The following IFT56 variants were observed in gnomAD, a reference collection of about 807,000 sequenced individuals.
IFT56 encodes the protein intraflagellar transport 56.
At chr7:139,177,759 A>G in the IFT56 span, among the ~76,000 whole-genome samples, 1 of 152,062 alleles carries the variant, frequency 6.6e-6, no homozygotes, top group African/African-American at 2.4e-5. Flanking sequence ...TCCACCACTC[A>G]AATAGGAATC....
At chr7:139,169,983 C>T in the IFT56 span, among the ~76,000 whole-genome samples, 4 of 152,198 alleles carry the variant, frequency 2.6e-5, no homozygotes, top group African/African-American at 7.2e-5. Flanking sequence ...CACTGCATTC[C>T]AGCCTGGGCA....
At chr7:139,153,732 A>G in the IFT56 span, among the ~76,000 whole-genome samples, 2 of 152,160 alleles carry the variant, frequency 1.3e-5, no homozygotes, top group Non-Finnish European at 2.9e-5. Flanking sequence ...TCCATTCATC[A>G]GTTGATAGAC....
chr7:139,183,872 T>C, the IFT56 span, among the ~76,000 whole-genome samples: 1 of 152,182 alleles, frequency 6.6e-6, no homozygotes, highest in Non-Finnish European at 1.5e-5. Context: ...AGCCTAAAAC[T>C]GGAGACAAAG....
chr7:139,173,251 G>C, the IFT56 span: 1 of 446,994 alleles, frequency 2.2e-6, no homozygotes, highest in African/African-American at 2.1e-5. Flanking sequence ...TTTTGAGATG[G>C]AGTCTCGCTC....
the IFT56 span, among the ~76,000 whole-genome samples, chr7:139,142,601 G>T: frequency 2.0e-5 from 3 of 152,140 alleles, no homozygotes; most frequent in African/African-American, 7.2e-5. Flanking sequence ...AGGCTGAAGC[G>T]GGCGGATCAT....
chr7:139,158,631 A>C, the IFT56 span, among the ~76,000 whole-genome samples: 1 of 151,990 alleles, frequency 6.6e-6, no homozygotes, highest in East Asian at 1.9e-4. Flanking sequence ...AATCAACTTT[A>C]GGCTGGACAT....
chr7:139,184,910 C>T, the IFT56 span, among the ~76,000 whole-genome samples: 2 of 151,008 alleles, frequency 1.3e-5, no homozygotes, highest in Non-Finnish European at 2.9e-5. Context: ...AAAAATTAGC[C>T]AGGCGTGGTG....
At chr7:139,178,287 C>T in the IFT56 span, 11 of 1,613,172 alleles carry the variant, frequency 6.8e-6, no homozygotes, top group Non-Finnish European at 9.3e-6. Flanking sequence ...TTTTGATTTA[C>T]CTCAACTCAT....
the IFT56 span, among the ~76,000 whole-genome samples, chr7:139,171,171 C>T: frequency 2.0e-5 from 3 of 152,130 alleles, no homozygotes; most frequent in African/African-American, 7.2e-5. Flanking sequence ...AACTATAAAA[C>T]ATTGATGCAA....
chr7:139,189,341 T>A, the IFT56 span: 5 of 1,611,470 alleles, frequency 3.1e-6, no homozygotes, highest in South Asian at 5.5e-5. Context: ...CGAGAAGTGC[T>A]CCATTTACTG....
the IFT56 span, chr7:139,181,221 G>T: frequency 6.5e-7 from 1 of 1,541,592 alleles, no homozygotes; most frequent in South Asian, 1.1e-5. Context: ...GAGACTAAAG[G>T]GAACATTAAA....
At chr7:139,137,882 T>C in the IFT56 span, 1 of 1,613,664 alleles carries the variant, frequency 6.2e-7, no homozygotes, top group African/African-American at 1.3e-5. Context: ...AAGAGGATAC[T>C]AATTTGTGGA....
chr7:139,142,454 G>T, the IFT56 span: 7 of 707,686 alleles, frequency 9.9e-6, no homozygotes. Flanking sequence ...TAATTGTATA[G>T]GATTTTCTCC....
At chr7:139,168,592 A>T in the IFT56 span, 1 of 580,016 alleles carries the variant, frequency 1.7e-6, no homozygotes, top group African/African-American at 1.9e-5. Context: ...CAAAAAAAAA[A>T]CTTGTAACCC....
chr7:139,135,653 A>G, the IFT56 span, among the ~76,000 whole-genome samples: 1 of 152,178 alleles, frequency 6.6e-6, no homozygotes, highest in African/African-American at 2.4e-5. Context: ...CTGCATTTTA[A>G]GGTGAGTAGT....
At chr7:139,184,012 C>A in the IFT56 span, among the ~76,000 whole-genome samples, 1 of 152,138 alleles carries the variant, frequency 6.6e-6, no homozygotes, top group Non-Finnish European at 1.5e-5. Context: ...TAAGCCTCAC[C>A]CCTGCCTCTT....
At chr7:139,153,100 G>C in the IFT56 span, among the ~76,000 whole-genome samples, 2 of 150,854 alleles carry the variant, frequency 1.3e-5, no homozygotes, top group Non-Finnish European at 2.9e-5. Context: ...AATGAGCCGA[G>C]ATTGCGCCAC....
chr7:139,165,246 T>G, the IFT56 span: 2 of 1,593,272 alleles, frequency 1.3e-6, no homozygotes, highest in African/African-American at 2.7e-5. Context: ...TAAGAAAAAT[T>G]TGTCCTGGTC....
chr7:139,163,580 C>A, the IFT56 span, among the ~76,000 whole-genome samples: 2 of 152,004 alleles, frequency 1.3e-5, no homozygotes. Flanking sequence ...AAGCAGTAAG[C>A]CACATACTTT....
Sources: allele counts gnomAD v4.1 joint callset (sites outside exome capture counted in the v4.1 genomes callset), GRCh38; gene constraint gnomAD v4.1.1; transcripts MANE v1.5; gene names NCBI Gene and HGNC (gene_info 2026-07-23, HGNC 2026-07-21).